Variants in PTPRR observed in about 807,000 individuals in gnomAD.
PTPRR encodes protein tyrosine phosphatase receptor type R.
In PTPRR, 38 loss-of-function variants were observed where a neutral mutation model predicts 77.2. That is an observed-to-expected ratio of 0.49 (90% confidence interval 0.38 to 0.65). The LOEUF (loss-of-function observed/expected upper bound fraction) is 0.65. PTPRR is among the 30% of genes least tolerant of loss of function. PTPRR has a pLI of 0.00. For synonymous variants in PTPRR, 299 were observed against 283.1 expected, an observed-to-expected ratio of 1.06 and a Z score of -0.57; for missense variants, 744 against 799.2, an observed-to-expected ratio of 0.93 and a Z score of 0.83.
chr12:70,729,914 A>G (rs1319271240), intron 6 of PTPRR, among the ~76,000 whole-genome samples: 1 of 151,740 alleles, frequency 6.6e-6, no homozygotes, highest in Non-Finnish European at 1.5e-5. Context: ...TATTTTGAGG[A>G]TTTTGACGTT....
chr12:70,920,431 C>A lies in PTPRR; in HGVS notation c.-41G>T. The A allele has an allele frequency of 6.3e-7, 1 of 1,584,026 alleles. No individual in the cohort carries two copies. The highest frequency in any genetic ancestry group is 8.7e-7 in the Non-Finnish European group (1 of 1,155,934). ...AGGTGGAGGAGAAACTCCACCACGA[C>A]CCCACTTCAGGTAAAGTGCTATTAG... On this transcript the variant is annotated 5_prime_UTR_variant, in exon 1 of 14. Transcript: ENST00000283228.
At chr12:70,754,509 G>A (rs1890508149) in intron 4 of PTPRR, 1 of 1,577,280 alleles carries the variant, frequency 6.3e-7, no homozygotes, top group African/African-American at 1.4e-5. Context: ...TCCTATGCAG[G>A]AGCAAGCGTG....
At chr12:70,842,914 C>T (rs192516504) in intron 2 of PTPRR, among the ~76,000 whole-genome samples, 4 of 152,280 alleles carry the variant, frequency 2.6e-5, no homozygotes, top group Admixed American at 2.6e-4. Flanking sequence ...CACCATTGTT[C>T]TCTCAGCATA....
intron 6 of PTPRR, among the ~76,000 whole-genome samples, chr12:70,712,180 A>G (rs899199216): frequency 6.6e-6 from 1 of 152,064 alleles, no homozygotes; most frequent in Admixed American, 6.6e-5. Flanking sequence ...TTAAAGTATC[A>G]TCAGTCTTCA....
intron 2 of PTPRR, among the ~76,000 whole-genome samples, chr12:70,860,879 T>C (rs1215402747): frequency 2.6e-5 from 4 of 152,140 alleles, no homozygotes; most frequent in Admixed American, 6.6e-5. Context: ...GACCAGTTTA[T>C]ATAAACCAGG....
At chr12:70,821,922 C>G (rs1463954503) in intron 2 of PTPRR, among the ~76,000 whole-genome samples, 1 of 151,326 alleles carries the variant, frequency 6.6e-6, no homozygotes, top group Non-Finnish European at 1.5e-5. Context: ...CCTCGGCCTC[C>G]CAAAGTGCTG....
chr12:70,781,675 A>G (rs1425077535), intron 2 of PTPRR, among the ~76,000 whole-genome samples: 1 of 152,182 alleles, frequency 6.6e-6, no homozygotes, highest in Non-Finnish European at 1.5e-5. Flanking sequence ...GACCCTTTTA[A>G]GAGGTGAAAG....
At chr12:70,750,727 T>G (rs1181381762) in intron 5 of PTPRR, among the ~76,000 whole-genome samples, 2 of 152,092 alleles carry the variant, frequency 1.3e-5, no homozygotes, top group Non-Finnish European at 2.9e-5. Flanking sequence ...CTTTTCAGAA[T>G]TTGTTTTTAT....
At chr12:70,825,128 C>G (rs1047928807) in intron 2 of PTPRR, among the ~76,000 whole-genome samples, 2 of 151,870 alleles carry the variant, frequency 1.3e-5, no homozygotes, top group Non-Finnish European at 2.9e-5. Flanking sequence ...ACTAAAAATA[C>G]AAAAATTAGC....
At chr12:70,724,620 G>A (rs1889371085) in intron 6 of PTPRR, among the ~76,000 whole-genome samples, 1 of 152,094 alleles carries the variant, frequency 6.6e-6, no homozygotes, top group Non-Finnish European at 1.5e-5. Flanking sequence ...GGCCATTGTA[G>A]TGATATATTC....
intron 2 of PTPRR, among the ~76,000 whole-genome samples, chr12:70,803,865 T>A (rs543198875): frequency 6.6e-6 from 1 of 152,244 alleles, no homozygotes; most frequent in Admixed American, 6.5e-5. Flanking sequence ...TGCATGCATG[T>A]GTGCTTGTGT....
At chr12:70,795,484 C>T (rs967394832) in intron 2 of PTPRR, among the ~76,000 whole-genome samples, 4 of 152,184 alleles carry the variant, frequency 2.6e-5, no homozygotes, top group African/African-American at 9.7e-5. Context: ...AATAAATTCA[C>T]TGTTTGTTAT....
At chr12:70,893,282 A>G (rs1211429515) in intron 1 of PTPRR, among the ~76,000 whole-genome samples, 1 of 151,968 alleles carries the variant, frequency 6.6e-6, no homozygotes, top group Non-Finnish European at 1.5e-5. Flanking sequence ...CCATAGTTTC[A>G]ATACCTACTT....
chr12:70,789,502 T>G (rs1592759076), intron 2 of PTPRR, among the ~76,000 whole-genome samples: 1 of 152,094 alleles, frequency 6.6e-6, no homozygotes, highest in African/African-American at 2.4e-5. Context: ...GATTCAAATA[T>G]TAGCTGGTCT....
intron 6 of PTPRR, among the ~76,000 whole-genome samples, chr12:70,740,868 G>A (rs919388686): frequency 1.3e-5 from 2 of 151,988 alleles, no homozygotes; most frequent in Non-Finnish European, 2.9e-5. Context: ...TATTAAACAT[G>A]AGCCTATTTT....
chr12:70,894,345 A>AT (rs1263196160), intron 1 of PTPRR, among the ~76,000 whole-genome samples: 1 of 151,594 alleles, frequency 6.6e-6, no homozygotes, highest in Non-Finnish European at 1.5e-5. Context: ...AAATTTCTCT[A>AT]TTTTCTCTTA....
At chr12:70,723,368 G>A (rs980755878) in intron 6 of PTPRR, among the ~76,000 whole-genome samples, 1 of 151,234 alleles carries the variant, frequency 6.6e-6, no homozygotes, top group African/African-American at 2.4e-5. Context: ...AAGCTATTTT[G>A]TATGTAAACT....
intron 2 of PTPRR, among the ~76,000 whole-genome samples, chr12:70,831,636 C>T (rs929065992): frequency 2.6e-5 from 4 of 152,146 alleles, no homozygotes; most frequent in African/African-American, 9.7e-5. Context: ...TTACCATTTT[C>T]GTTTTGGCTG....
At chr12:70,901,122 T>C (rs1251444458) in intron 1 of PTPRR, among the ~76,000 whole-genome samples, 11 of 151,568 alleles carry the variant, frequency 7.3e-5, no homozygotes, top group Admixed American at 7.3e-4. Flanking sequence ...TTTTCTATTT[T>C]GGAGAATTTA....
Sources: allele counts gnomAD v4.1 joint callset (sites outside exome capture counted in the v4.1 genomes callset), GRCh38; gene constraint gnomAD v4.1.1; transcripts MANE v1.5; gene names NCBI Gene and HGNC (gene_info 2026-07-23, HGNC 2026-07-21).